The following ACSM2A variants were observed in gnomAD, a reference collection of about 807,000 sequenced individuals.
The protein encoded by ACSM2A is acyl-CoA synthetase medium chain family member 2A, also known as acyl-coenzyme A synthetase ACSM2A, mitochondrial.
A neutral mutation model predicts 76.6 loss-of-function variants in ACSM2A; 72 were observed. The observed-to-expected ratio is 0.94, with a 90% confidence interval of 0.78 to 1.14. The LOEUF (loss-of-function observed/expected upper bound fraction) is 1.14. Among genes scored for constraint, ACSM2A ranks in the 50% most tolerant of loss-of-function variants. The probability of loss-of-function intolerance (pLI) is 0.00; values close to 1 mark genes in which losing one functional copy is unlikely to be tolerated. For synonymous variants in ACSM2A, 249 were observed against 255.9 expected, an observed-to-expected ratio of 0.97 and a Z score of 0.26; for missense variants, 684 against 708.5, an observed-to-expected ratio of 0.97 and a Z score of 0.39.
chr16:20,476,823 G>A (rs751835253), intron 8 of ACSM2A: 6 of 650,760 alleles, frequency 9.2e-6, no homozygotes, highest in African/African-American at 2.0e-5. Flanking sequence ...TTCATTTCAG[G>A]GTTCAAGCAG....
chr16:20,468,865 G>T (rs1241106092), intron 3 of ACSM2A, among the ~76,000 whole-genome samples: 1 of 152,164 alleles, frequency 6.6e-6, no homozygotes, highest in African/African-American at 2.4e-5. Context: ...GTATCATTAA[G>T]AGCAAAACTT....
intron 12 of ACSM2A, 174 bp downstream of exon 12, chr16:20,481,095 T>G: frequency 1.3e-6 from 1 of 771,072 alleles, no homozygotes; most frequent in Non-Finnish European, 2.1e-6. Context: ...TTTCTCAGTT[T>G]CCCCATCTGT....
chr16:20,461,885 T>A (rs969995688), intron 2 of ACSM2A, among the ~76,000 whole-genome samples: 1 of 152,144 alleles, frequency 6.6e-6, no homozygotes, highest in African/African-American at 2.4e-5. Flanking sequence ...CCTTGAAAGC[T>A]CAGAGACTAG....
intron 10 of ACSM2A, among the ~76,000 whole-genome samples, chr16:20,480,267 A>T (rs1567375020): frequency 6.6e-6 from 1 of 152,224 alleles, no homozygotes; most frequent in African/African-American, 2.4e-5. Context: ...TATCTATGAA[A>T]GGAGAGATGG....
At chr16:20,465,267 T>C (rs1171992654) in intron 2 of ACSM2A, among the ~76,000 whole-genome samples, 2 of 152,198 alleles carry the variant, frequency 1.3e-5, no homozygotes, top group South Asian at 2.1e-4. Context: ...ATATAATGGG[T>C]TTATTACAGT....
chr16:20,461,922 G>A (rs1216465066), intron 2 of ACSM2A, among the ~76,000 whole-genome samples: 1 of 152,142 alleles, frequency 6.6e-6, no homozygotes, highest in Non-Finnish European at 1.5e-5. Flanking sequence ...TTGGAGGGCA[G>A]GGGGCTAAGG....
intron 6 of ACSM2A, among the ~76,000 whole-genome samples, chr16:20,472,061 GTGTT>G (rs557768791): frequency 0.017 from 2,522 of 152,264 alleles, 34 homozygotes; most frequent in Non-Finnish European, 0.024. Context: ...GTGTGTGTGT[GTGTT>G]TGTGAGTGCA....
intron 3 of ACSM2A, among the ~76,000 whole-genome samples, chr16:20,466,475 T>C (rs1505094): frequency 0.34 from 51,386 of 150,592 alleles, 7,186 homozygotes; most frequent in East Asian, 0.56. Context: ...GTAGGAGTTG[T>C]GGTAGAGAAG....
Position 20,475,772 on chromosome 16 carries a change from C to A in ACSM2A, c.1097C>A (p.Thr366Lys), listed in dbSNP as rs150888398. ...DIRESYGQTE[T>K]GLTCMVSKTM... ...CGAGAATCCTATGGCCAGACAGAAA[C>A]GGTACCTGTTCCCAGGGGAACCATG... Residue 366 changes from threonine to lysine, a missense_variant and splice_region_variant, in exon 8 of 14, where the codon ACG (threonine) becomes AAG (lysine). Thr to Lys is a moderately conservative substitution (Grantham distance 78, BLOSUM62 -1). This residue lies in a region of ACSM2A where 519 missense variants were observed against 549.5 expected (regional missense o/e 0.94). Coordinates refer to ENST00000573854, the MANE Select transcript of ACSM2A (RefSeq NM_001308172.2). The A allele has an allele frequency of 5.7e-5, 92 of 1,613,822 alleles. No homozygotes were observed. The highest frequency in any genetic ancestry group is 7.5e-5 in the Non-Finnish European group (88 of 1,179,804).
At chr16:20,470,962 G>A in intron 4 of ACSM2A, 111 bp from the exon 5 acceptor site, 1 of 1,285,500 alleles carries the variant, frequency 7.8e-7, no homozygotes, top group Non-Finnish European at 1.1e-6. Flanking sequence ...TTGTGAGGTG[G>A]GTCCATCAAC....
At chr16:20,485,200 A>G (rs2014318021) in intron 13 of ACSM2A, among the ~76,000 whole-genome samples, 1 of 152,222 alleles carries the variant, frequency 6.6e-6, no homozygotes, top group African/African-American at 2.4e-5. Flanking sequence ...CACACCAAAG[A>G]TATTACGAAT....
rs569366087 is a variant in ACSM2A at position 20,477,160 on chromosome 16, G to A, written c.1099-209G>A. ...TCCTCTTCCTGGGGAGTGGTAGATG[G>A]GTTGCTTCCTGAACTAACAATTTAG... is the stretch of plus-strand genomic sequence containing the variant. On this transcript the variant is annotated intron_variant, in intron 8 of 13. Coordinates refer to ENST00000573854, the MANE Select transcript of ACSM2A (RefSeq NM_001308172.2). 2.0e-4 allele frequency: 158 copies of A among 802,486 alleles called. 1 individual carries two copies. In the African/African-American group the frequency reaches 2.3e-3, roughly 12 times the overall value. 49.7% of individuals were successfully genotyped at this position (802,486 alleles called of 1,614,324 possible).
chr16:20,458,488 A>G (rs2012343175), intron 1 of ACSM2A, among the ~76,000 whole-genome samples: 1 of 145,692 alleles, frequency 6.9e-6, no homozygotes, highest in South Asian at 2.1e-4. Context: ...GTATTATTAT[A>G]TAATACATAA....
intron 2 of ACSM2A, among the ~76,000 whole-genome samples, chr16:20,461,554 C>T (rs546971456): frequency 8.6e-4 from 131 of 152,040 alleles, no homozygotes; most frequent in Non-Finnish European, 1.4e-3. Flanking sequence ...AAATATTCAA[C>T]TCATATAACA....
At chr16:20,452,491 A>G in intron 1 of ACSM2A, 1 of 131,006 alleles carries the variant, frequency 7.6e-6, no homozygotes, top group South Asian at 2.6e-4. Context: ...AATAAACTGT[A>G]TATATATATA....
intron 1 of ACSM2A, among the ~76,000 whole-genome samples, chr16:20,458,595 T>G (rs887202625): frequency 7.0e-6 from 1 of 143,862 alleles, no homozygotes; most frequent in East Asian, 2.0e-4. Context: ...GTATATATAT[T>G]TTTTATATAT....
chr16:20,454,500 G>T (rs2012002258), intron 1 of ACSM2A, among the ~76,000 whole-genome samples: 1 of 151,808 alleles, frequency 6.6e-6, no homozygotes, highest in Admixed American at 6.6e-5. Flanking sequence ...ACTCTGTGCT[G>T]CCTGAGGCAA....
intron 6 of ACSM2A, among the ~76,000 whole-genome samples, chr16:20,472,413 T>C (rs1439718969): frequency 1.7e-4 from 26 of 152,214 alleles, no homozygotes; most frequent in Admixed American, 1.7e-3. Context: ...TTTTTACAAA[T>C]AAAGGCACTC....
intron 4 of ACSM2A, chr16:20,470,733 T>A: frequency 2.0e-6 from 1 of 488,378 alleles, no homozygotes; most frequent in Non-Finnish European, 4.0e-6. Context: ...AGATTAGCAT[T>A]TATTGAGTTC....
Sources: allele counts gnomAD v4.1 joint callset (sites outside exome capture counted in the v4.1 genomes callset), GRCh38; gene constraint gnomAD v4.1.1; regional missense constraint gnomAD v4.1.1; transcripts MANE v1.5; gene names NCBI Gene and HGNC (gene_info 2026-07-23, HGNC 2026-07-21).